Variants in LRP8 observed in about 807,000 individuals in gnomAD.
The protein encoded by LRP8 is low-density lipoprotein receptor-related protein 8.
Under a neutral mutation model 111.6 loss-of-function variants are expected in LRP8, and 46 were observed. That is an observed-to-expected ratio of 0.41 (90% CI 0.33 to 0.53). LRP8 has a LOEUF of 0.53. Ranked by LOEUF, LRP8 falls within the 20% of genes least tolerant of loss-of-function variation. The probability of loss-of-function intolerance (pLI) is 0.20; values close to 1 mark genes in which losing one functional copy is unlikely to be tolerated. For synonymous variants in LRP8, 464 were observed against 511.2 expected (o/e 0.91, Z 1.24); for missense variants, 959 against 1,297.4 (o/e 0.74, Z 4.01).
At chr1:53,291,408 CG>C (rs1178676960) in intron 2 of LRP8, among the ~76,000 whole-genome samples, 2 of 152,046 alleles carry the variant, frequency 1.3e-5, no homozygotes, top group African/African-American at 4.8e-5. Context: ...CAGCCTGCCC[CG>C]CTCCCTCATC....
chr1:53,278,905 C>G (rs892139981), intron 4 of LRP8, among the ~76,000 whole-genome samples: 8 of 150,376 alleles, frequency 5.3e-5, no homozygotes, highest in African/African-American at 2.0e-4. Flanking sequence ...GTAGCCACCA[C>G]GCCCGGCTAA....
At chr1:53,257,203 C>T in intron 15 of LRP8, 37 bp downstream of exon 15, 1 of 1,603,412 alleles carries the variant, frequency 6.2e-7, no homozygotes, top group Non-Finnish European at 8.5e-7. Flanking sequence ...TAGGAGCCCT[C>T]CCATGTCATG....
At chr1:53,289,417 C>G in intron 3 of LRP8, 150 bp downstream of exon 3, 1 of 1,089,228 alleles carries the variant, frequency 9.2e-7, no homozygotes, top group Non-Finnish European at 1.3e-6. Flanking sequence ...TAGAAACCAG[C>G]AACTAAATAT....
At chr1:53,315,189 C>G (rs917166944) in intron 2 of LRP8, among the ~76,000 whole-genome samples, 1 of 152,178 alleles carries the variant, frequency 6.6e-6, no homozygotes, top group Non-Finnish European at 1.5e-5. Context: ...AGGCCTCTCC[C>G]TAATTAAACT....
intron 2 of LRP8, among the ~76,000 whole-genome samples, chr1:53,312,286 C>T (rs1393109643): frequency 1.3e-5 from 2 of 152,166 alleles, no homozygotes; most frequent in African/African-American, 2.4e-5. Flanking sequence ...AATGTTTGGC[C>T]CTGCTCTTCC....
chr1:53,245,566 T>G lies in LRP8; in HGVS notation c.*1452A>C, dbSNP rs1385995013. The G allele has an allele frequency of 6.6e-6, 1 of 152,216 alleles. No individual in the cohort carries two copies. Among genetic ancestry groups the G allele is most frequent in the Non-Finnish European group, 1.5e-5 (1 of 68,044 alleles). The allele number at this position is 152,216 out of a possible 1,614,324, so 9.4% of individuals were successfully genotyped here. A position where few individuals can be genotyped will look rare whatever the true frequency, so the allele number is the denominator to read the frequency against. On this transcript the variant is annotated 3_prime_UTR_variant, in exon 19 of 19. Transcript: ENST00000306052. ...CATATACCCGGAGTTTTTCCTTTTATTTACAAAGCAGTAAACCAAATTCCT... is the reference window on the plus strand; with the variant it reads ...CATATACCCGGAGTTTTTCCTTTTAGTTACAAAGCAGTAAACCAAATTCCT...
intron 2 of LRP8, among the ~76,000 whole-genome samples, chr1:53,320,091 G>A (rs904901383): frequency 4.0e-4 from 61 of 152,258 alleles, no homozygotes; most frequent in African/African-American, 1.4e-3. Context: ...TCAAGGCACC[G>A]GCTGAAGGAG....
At chr1:53,284,788 C>A (rs974670998) in intron 3 of LRP8, among the ~76,000 whole-genome samples, 4 of 152,176 alleles carry the variant, frequency 2.6e-5, no homozygotes, top group African/African-American at 9.7e-5. Context: ...CAGCCCTCCA[C>A]CCTCAAAGAG....
At chr1:53,259,003 A>G (rs1463755536) in intron 13 of LRP8, among the ~76,000 whole-genome samples, 2 of 152,244 alleles carry the variant, frequency 1.3e-5, no homozygotes, top group African/African-American at 4.8e-5. Context: ...GCTGAGTAGT[A>G]TTCCAAGGTG....
intron 2 of LRP8, among the ~76,000 whole-genome samples, chr1:53,313,463 CCT>C (rs1653368253): frequency 2.0e-5 from 3 of 152,282 alleles, no homozygotes; most frequent in African/African-American, 7.2e-5. Context: ...TCCCTGTCCC[CCT>C]GAGGCTTGTG....
chr1:53,292,098 G>A (rs1648888693), intron 2 of LRP8: 1 of 152,168 alleles, frequency 6.6e-6, no homozygotes, highest in South Asian at 2.1e-4. Context: ...CTACCCACAG[G>A]CCCTCTGGGT....
chr1:53,277,759 G>C (rs1315511353), intron 4 of LRP8, among the ~76,000 whole-genome samples: 2 of 152,140 alleles, frequency 1.3e-5, no homozygotes, highest in African/African-American at 4.8e-5. Flanking sequence ...GCGTTTCCCC[G>C]CTTGGGAAAT....
At chr1:53,260,226 T>C (rs1013654744) in intron 13 of LRP8, among the ~76,000 whole-genome samples, 4 of 152,198 alleles carry the variant, frequency 2.6e-5, no homozygotes, top group East Asian at 1.9e-4. Flanking sequence ...CTTTGTAGGA[T>C]TGGCAAAAAC....
chr1:53,297,135 C>T (rs773434553), intron 2 of LRP8, among the ~76,000 whole-genome samples: 5 of 152,120 alleles, frequency 3.3e-5, no homozygotes, highest in Admixed American at 6.5e-5. Flanking sequence ...TCCCGTGGGT[C>T]CATTATAACA....
intron 2 of LRP8, among the ~76,000 whole-genome samples, chr1:53,319,828 G>A (rs1654269536): frequency 6.6e-6 from 1 of 152,262 alleles, no homozygotes; most frequent in Non-Finnish European, 1.5e-5. Context: ...GGAGGGAGTT[G>A]GCACACCCAC....
chr1:53,316,041 A>C (rs1557865440), intron 2 of LRP8, among the ~76,000 whole-genome samples: 2 of 152,206 alleles, frequency 1.3e-5, no homozygotes, highest in Non-Finnish European at 2.9e-5. Flanking sequence ...TGCTTGGTCC[A>C]ATTCAGTGGT....
chr1:53,246,249 A>G lies in LRP8; in HGVS notation c.*769T>C, dbSNP rs909707630. On this transcript the variant is annotated 3_prime_UTR_variant, in exon 19 of 19. Transcript: ENST00000306052. ...ACTACATAATTGCACAAACCATGGT[A>G]TCTATTTTCTGATCCAGATTTCCAA... 1 of 152,210 alleles carries G rather than the reference A, an allele frequency of 6.6e-6. No individual in the cohort carries two copies. The highest frequency in any genetic ancestry group is 2.4e-5 in the African/African-American group (1 of 41,458). 9.4% of individuals were successfully genotyped at this position (152,210 alleles called of 1,614,324 possible).
intron 2 of LRP8, among the ~76,000 whole-genome samples, chr1:53,316,492 A>G (rs1162788573): frequency 1.3e-5 from 2 of 152,318 alleles, no homozygotes; most frequent in African/African-American, 2.4e-5. Context: ...GGTTTAGGCC[A>G]TGTCTCCTGT....
intron 3 of LRP8, among the ~76,000 whole-genome samples, chr1:53,284,647 T>A (rs954628856): frequency 3.3e-5 from 5 of 152,254 alleles, no homozygotes; most frequent in African/African-American, 1.2e-4. Context: ...GTTAATTGCA[T>A]AACCTTTCAG....
Sources: allele counts gnomAD v4.1 joint callset (sites outside exome capture counted in the v4.1 genomes callset), GRCh38; gene constraint gnomAD v4.1.1; transcripts MANE v1.5; gene names NCBI Gene and HGNC (gene_info 2026-07-23, HGNC 2026-07-21).